The following RNASE4 variants were observed in gnomAD, a reference collection of about 807,000 sequenced individuals.
RNASE4 encodes ribonuclease 4.
For missense variants in RNASE4, 194 were observed against 192.8 expected (o/e 1.01, Z -0.04); for synonymous variants, 93 against 71.4 (o/e 1.30, Z -1.52).
chr14:20,698,016 C>T (rs1341123731), intron 1 of RNASE4, among the ~76,000 whole-genome samples: 1 of 152,144 alleles, frequency 6.6e-6, no homozygotes, highest in Middle Eastern at 3.2e-3. Flanking sequence ...GCATAAATGT[C>T]TTTGATATCC....
intron 1 of RNASE4, among the ~76,000 whole-genome samples, chr14:20,689,820 G>A (rs1886619203): frequency 6.6e-6 from 1 of 151,736 alleles, no homozygotes. Flanking sequence ...GGAGGCTGAG[G>A]CAGGAGAATT....
At chr14:20,684,842 G>A (rs1380258176) in intron 1 of RNASE4, 84 bp downstream of exon 1, 1 of 152,688 alleles carries the variant, frequency 6.5e-6, no homozygotes, top group African/African-American at 2.4e-5. Flanking sequence ...TCCTAGTAGA[G>A]GCAGCTTGGG....
chr14:20,685,939 C>G (rs1886403179), intron 1 of RNASE4, among the ~76,000 whole-genome samples: 1 of 151,498 alleles, frequency 6.6e-6, no homozygotes, highest in African/African-American at 2.4e-5. Flanking sequence ...ACTCGGGAGG[C>G]TGAGACAGGA....
chr14:20,689,180 CCT>C (rs894129959), intron 1 of RNASE4, among the ~76,000 whole-genome samples: 7 of 152,188 alleles, frequency 4.6e-5, no homozygotes, highest in South Asian at 2.1e-4. Flanking sequence ...GTCGTCCACC[CCT>C]GTTACAGGCA....
intron 1 of RNASE4, chr14:20,688,691 C>T (rs996408973): frequency 3.0e-5 from 30 of 985,174 alleles, no homozygotes; most frequent in Middle Eastern, 1.0e-3. Context: ...TGTTCAAGAG[C>T]AGTGTCCTTG....
chr14:20,692,545 A>T (rs1038062091), intron 1 of RNASE4, among the ~76,000 whole-genome samples: 2 of 152,244 alleles, frequency 1.3e-5, no homozygotes, highest in Admixed American at 1.3e-4. Flanking sequence ...TAGGAGCTGG[A>T]CGCCTATTGT....
At chr14:20,690,235 A>AG (rs1886665327) in intron 1 of RNASE4, among the ~76,000 whole-genome samples, 1 of 150,066 alleles carries the variant, frequency 6.7e-6, no homozygotes, top group African/African-American at 2.4e-5. Context: ...AAAAAAAAAA[A>AG]AAAAAAAAAA....
Position 20,699,668 on chromosome 14 carries a change from C to T in RNASE4, c.297C>T (p.Cys99=), listed in dbSNP as rs957440335. Reference sequence around the variant, plus strand: ...AATGCAAGAACGGCAAGATGAACTGCCATGAGGGTGTAGTGAAGGTCACAG... The same window carrying T: ...AATGCAAGAACGGCAAGATGAACTGTCATGAGGGTGTAGTGAAGGTCACAG... ...NIQCKNGKMN[C]HEGVVKVTDC... is the part of the protein sequence containing the mutation. Residue 99 remains cysteine, a synonymous_variant, in exon 2 of 2, where the codon TGC becomes TGT. Transcript: ENST00000555835. 6.2e-7 allele frequency: 1 copy of T among 1,611,250 alleles called. No homozygotes were observed. The highest frequency in any genetic ancestry group is 8.5e-7 in the Non-Finnish European group (1 of 1,180,024).
intron 1 of RNASE4, among the ~76,000 whole-genome samples, chr14:20,690,964 T>G (rs1028474987): frequency 6.6e-6 from 1 of 152,236 alleles, no homozygotes; most frequent in Non-Finnish European, 1.5e-5. Context: ...TCGGTCTTTA[T>G]TTTGTGATAT....
chr14:20,690,035 G>T (rs1408663146), intron 1 of RNASE4, among the ~76,000 whole-genome samples: 1 of 147,244 alleles, frequency 6.8e-6, no homozygotes, highest in Non-Finnish European at 1.5e-5. Flanking sequence ...CTAACAAGGT[G>T]AAACCCCGTC....
At position 20,697,011 on chromosome 14, in the gene RNASE4, T is replaced by C. The variant is rs183558991; in HGVS notation, c.-17-2344T>C. On this transcript the variant is annotated intron_variant, in intron 1 of 1. Coordinates refer to ENST00000555835, the MANE Select transcript of RNASE4 (RefSeq NM_002937.5). ...TGGGGAAAATCCTGACCCAAAAGTG[T>C]GCGTTGGGATGATGTGGAGATCATT... Among the ~76,000 whole-genome samples the C allele has an allele frequency of 3.9e-5, 6 of 152,272 alleles. No homozygotes were observed. In the East Asian group the frequency reaches 9.6e-4, roughly 24 times the overall value.
chr14:20,692,949 G>T (rs898392097), intron 1 of RNASE4, among the ~76,000 whole-genome samples: 1 of 151,996 alleles, frequency 6.6e-6, no homozygotes, highest in African/African-American at 2.4e-5. Flanking sequence ...CCGGGTTCAC[G>T]CCATTCTCCT....
Position 20,699,780 on chromosome 14 carries a change from G to T in RNASE4, c.409G>T (p.Gly137Cys). 6.2e-7 allele frequency: 1 copy of T among 1,612,534 alleles called. No individual in the cohort carries two copies. The highest frequency in any genetic ancestry group is 8.5e-7 in the Non-Finnish European group (1 of 1,180,008). The change falls in exon 2 of 2, where the codon GGT becomes TGT. Residue 137 changes from glycine (G) to cysteine (C), a missense_variant. Gly to Cys is a radical substitution (Grantham distance 159). Coordinates refer to ENST00000555835, the MANE Select transcript of RNASE4 (RefSeq NM_002937.5). ...TAGACGTGTTGTCATTGCCTGTGAG[G>T]GTAACCCACAGGTGCCTGTGCACTT... ...STRRVVIACE[G>C]NPQVPVHFDG
At chr14:20,695,440 C>T (rs1887058145) in intron 1 of RNASE4, among the ~76,000 whole-genome samples, 1 of 151,712 alleles carries the variant, frequency 6.6e-6, no homozygotes, top group African/African-American at 2.4e-5. Flanking sequence ...CAGTTTATCC[C>T]TTATTCTTCC....
intron 1 of RNASE4, chr14:20,693,431 G>A: frequency 1.5e-6 from 2 of 1,325,916 alleles, no homozygotes; most frequent in Non-Finnish European, 2.1e-6. Context: ...TATAAAATTT[G>A]GTGGTGGAAA....
At chr14:20,692,967 C>G (rs971096230) in intron 1 of RNASE4, among the ~76,000 whole-genome samples, 4 of 152,060 alleles carry the variant, frequency 2.6e-5, no homozygotes, top group African/African-American at 9.6e-5. Flanking sequence ...CCTGCCTCAG[C>G]CTCCCGAGTA....
chr14:20,696,779 C>A (rs117613952), intron 1 of RNASE4, among the ~76,000 whole-genome samples: 3,596 of 152,082 alleles, frequency 0.024, 59 homozygotes, highest in Non-Finnish European at 0.033. Context: ...AGCATTTACC[C>A]TGTGCTAGGC....
intron 1 of RNASE4, 28 bp from the exon 2 acceptor site, chr14:20,699,327 T>A (rs1285364847): frequency 6.6e-7 from 1 of 1,524,226 alleles, no homozygotes; most frequent in African/African-American, 1.4e-5. Flanking sequence ...CTTACCTTAT[T>A]TCTCCTGCCC....
chr14:20,686,750 C>T (rs1056213819), intron 1 of RNASE4, among the ~76,000 whole-genome samples: 1 of 152,222 alleles, frequency 6.6e-6, no homozygotes, highest in Non-Finnish European at 1.5e-5. Context: ...GCTTTTCCTT[C>T]TTTACCTGTT....
Sources: gnomAD v4.1 joint callset for allele counts (sites outside exome capture counted in the v4.1 genomes callset) on GRCh38, gnomAD v4.1.1 for gene constraint, MANE v1.5 for transcripts, NCBI Gene and HGNC (gene_info 2026-07-23, HGNC 2026-07-21) for gene names.